Variants in PDP1 observed in about 807,000 individuals in gnomAD.
PDP1 encodes pyruvate dehyrogenase phosphatase catalytic subunit 1.
Under a neutral mutation model 37.1 loss-of-function variants are expected in PDP1, and 14 were observed. The ratio of observed to expected loss-of-function variants is 0.38; its 90% CI spans 0.25 to 0.59. PDP1 has a LOEUF of 0.59. PDP1 is among the 20% of genes least tolerant of loss of function. PDP1 has a pLI of 0.67. For missense variants in PDP1, 544 were observed against 655.3 expected (o/e 0.83, Z 1.85); for synonymous variants, 251 against 243.3 (o/e 1.03, Z -0.29).
chr8:93,923,559 C>T lies in PDP1; in HGVS notation c.1500C>T (p.Leu500=), dbSNP rs1810353550. 1 of 1,612,984 alleles carries T rather than the reference C, an allele frequency of 6.2e-7. No homozygotes were observed. The highest frequency in any genetic ancestry group is 1.1e-5 in the South Asian group (1 of 91,082). ...NEFGTVDHER[L]SKMLSLPEEL... is the part of the protein sequence containing the mutation. ...TTGGGACTGTTGATCATGAGCGCCTCTCTAAAATGCTTAGTCTTCCTGAAG... is the reference window on the plus strand; with the variant it reads ...TTGGGACTGTTGATCATGAGCGCCTTTCTAAAATGCTTAGTCTTCCTGAAG... Residue 500 remains leucine, a synonymous_variant, in exon 2 of 2, where the codon CTC becomes CTT. Transcript: ENST00000297598. The surrounding 1 kb of genome is among the most constrained non-coding windows in gnomAD (Gnocchi z 4.3).
At chr8:93,920,867 A>G in intron 1 of PDP1, 11 of 807,650 alleles carry the variant, frequency 1.4e-5, no homozygotes, top group Non-Finnish European at 1.6e-5. Flanking sequence ...ACATTGTGTA[A>G]TGATCAAATC....
chr8:93,924,367 T>TA lies in PDP1; in HGVS notation c.*694_*695insA, dbSNP rs1810377462. ...TTTTTAGTTTTATCTACTCTTCTAT[T>TA]GAAGTTAAAGAAAGAAAAAAAGATT... On this transcript the variant is annotated 3_prime_UTR_variant, in exon 2 of 2. Coordinates refer to ENST00000297598, the MANE Select transcript of PDP1 (RefSeq NM_018444.4). 6.0e-6 allele frequency: 1 copy of TA among 167,012 alleles called. No homozygotes were observed. The highest frequency in any genetic ancestry group is 2.4e-5 in the African/African-American group (1 of 41,466). The allele number at this position is 167,012 out of a possible 1,614,324, so 10.3% of individuals were successfully genotyped here. A position where few individuals can be genotyped will look rare whatever the true frequency, so the allele number is the denominator to read the frequency against.
At position 93,924,041 on chromosome 8, in the gene PDP1, C is replaced by G. The variant is rs551728387; in HGVS notation, c.*368C>G. The G allele has an allele frequency of 1.6e-4, 49 of 301,560 alleles. No homozygotes were observed. The South Asian group carries it at 1.7e-3, about 11-fold the overall frequency. 18.7% of individuals were successfully genotyped at this position (301,560 alleles called of 1,614,324 possible). On this transcript the variant is annotated 3_prime_UTR_variant, in exon 2 of 2. Coordinates refer to ENST00000297598, the MANE Select transcript of PDP1 (RefSeq NM_018444.4). ...TAGTCTCTTGGTTAAAGTGAAGAAA[C>G]AGTACTGTTCACACCTTTCTTCACT...
rs1250372108 is a variant in PDP1, at chr8:93,922,239, G to A, written c.180G>A (p.Glu60=). The A allele has an allele frequency of 6.2e-7, 1 of 1,614,160 alleles. No homozygotes were observed. Among genetic ancestry groups the A allele is most frequent in the Non-Finnish European group, 8.5e-7 (1 of 1,180,004 alleles). ...PAYATFCRPK[E]NWWQYTQGRR... is the part of the protein sequence containing the mutation. ...ATGCTACCTTTTGCAGGCCAAAGGA[G>A]AACTGGTGGCAGTACACCCAAGGAA... The change falls in exon 2 of 2, where the codon GAG becomes GAA. Residue 60 remains glutamate, a synonymous_variant. Transcript: ENST00000297598. This position sits in a 1 kb window ranked among gnomAD's most constrained non-coding sequence, Gnocchi z 4.0.
chr8:93,921,631 T>C (rs1810273563), intron 1 of PDP1: 1 of 161,314 alleles, frequency 6.2e-6, no homozygotes, highest in South Asian at 2.0e-4. Flanking sequence ...TTTTTAAGAA[T>C]AGGGAGGGAG....
intron 1 of PDP1, chr8:93,919,181 G>A: frequency 1.1e-6 from 1 of 910,928 alleles, no homozygotes; most frequent in Non-Finnish European, 1.3e-6. Flanking sequence ...GTCAATCATT[G>A]CTTTTTGTCA....
chr8:93,919,244 C>A, intron 1 of PDP1: 2 of 480,138 alleles, frequency 4.2e-6, no homozygotes, highest in Non-Finnish European at 5.4e-6. Flanking sequence ...GATGTCATAC[C>A]AAGCCGGGTG....
rs1264257944 is a variant in PDP1, at chr8:93,924,365, A to G, written c.*692A>G. Reference sequence around the variant, plus strand: ...GGTTTTTAGTTTTATCTACTCTTCTATTGAAGTTAAAGAAAGAAAAAAAGA... The same window carrying G: ...GGTTTTTAGTTTTATCTACTCTTCTGTTGAAGTTAAAGAAAGAAAAAAAGA... On this transcript the variant is annotated 3_prime_UTR_variant, in exon 2 of 2. Coordinates refer to ENST00000297598, the MANE Select transcript of PDP1 (RefSeq NM_018444.4). 2 of 167,002 alleles carry G rather than the reference A, an allele frequency of 1.2e-5. No individual in the cohort carries two copies. Among genetic ancestry groups the G allele is most frequent in the East Asian group, 1.9e-4 (1 of 5,204 alleles). The allele number at this position is 167,002 out of a possible 1,614,324, so 10.3% of individuals were successfully genotyped here. A position where few individuals can be genotyped will look rare whatever the true frequency, so the allele number is the denominator to read the frequency against.
chr8:93,917,882 A>T, intron 1 of PDP1: 3 of 1,613,558 alleles, frequency 1.9e-6, no homozygotes, highest in Non-Finnish European at 2.5e-6. Flanking sequence ...CGGGTTGTGG[A>T]TGTTGTCGGC....
intron 1 of PDP1, 146 bp from the exon 2 acceptor site, chr8:93,921,870 G>C: frequency 1.7e-6 from 1 of 603,326 alleles, no homozygotes; most frequent in Non-Finnish European, 2.9e-6. Flanking sequence ...AATAGTACAT[G>C]ATGTGTGTAT....
chr8:93,921,389 C>A, intron 1 of PDP1: 1 of 949,550 alleles, frequency 1.1e-6, no homozygotes, highest in Non-Finnish European at 1.3e-6. Flanking sequence ...ACTGGAATTT[C>A]TTTTTTTATT....
rs769050733 is a variant in PDP1 at position 93,923,127 on chromosome 8, A to G, written c.1068A>G (p.Val356=). 1 of 1,614,248 alleles carries G rather than the reference A, an allele frequency of 6.2e-7. No individual in the cohort carries two copies. The highest frequency in any genetic ancestry group is 8.5e-7 in the Non-Finnish European group (1 of 1,180,038). The change falls in exon 2 of 2, where the codon GTA becomes GTG. Residue 356 remains valine, a synonymous_variant. Coordinates refer to ENST00000297598, the MANE Select transcript of PDP1 (RefSeq NM_018444.4). The surrounding 1 kb of genome is among the most constrained non-coding windows in gnomAD (Gnocchi z 4.3). ...TGCCATTTAGGGCATTTGGAGATGT[A>G]AAGTTCAAATGGAGCATTGACCTTC... The part of the protein sequence containing the change: ...LLMPFRAFGD[V]KFKWSIDLQK...
Position 93,922,038 on chromosome 8 carries a change from C to A in PDP1, c.-22C>A. 1 of 1,596,210 alleles carries A rather than the reference C, an allele frequency of 6.3e-7. No individual in the cohort carries two copies. The highest frequency in any genetic ancestry group is 8.6e-7 in the Non-Finnish European group (1 of 1,167,928). On this transcript the variant is annotated 5_prime_UTR_variant, in exon 2 of 2. Transcript: ENST00000297598. The surrounding 1 kb of genome is among the most constrained non-coding windows in gnomAD (Gnocchi z 4.0). ...TAGGAATCCCAGTCAGAAGTTCCAG[C>A]CTGCCACTGTTCTCTGATGCCATGC...
In PDP1 at chr8:93,922,254, C is replaced by A; in HGVS notation, c.195C>A (p.Tyr65Ter). 6.2e-7 allele frequency: 1 copy of A among 1,614,196 alleles called. No homozygotes were observed. Among genetic ancestry groups the A allele is most frequent in the Non-Finnish European group, 8.5e-7 (1 of 1,180,000 alleles). ...GGCCAAAGGAGAACTGGTGGCAGTA[C>A]ACCCAAGGAAGGAGATATGCTTCCA... ...FCRPKENWWQYTQGRRYASTP... is the reference protein window; with the variant it reads ...FCRPKENWWQ Residue 65 changes from tyrosine to a stop codon, truncating the protein, a stop_gained, in exon 2 of 2, where the codon TAC becomes TAA. Coordinates refer to ENST00000297598, the MANE Select transcript of PDP1 (RefSeq NM_018444.4). LOFTEE classifies it high-confidence loss of function. The surrounding 1 kb of genome is among the most constrained non-coding windows in gnomAD (Gnocchi z 4.0).
intron 1 of PDP1, chr8:93,917,717 T>C: frequency 8.6e-7 from 1 of 1,165,836 alleles, no homozygotes; most frequent in Non-Finnish European, 1.2e-6. Flanking sequence ...TTATCCCTCC[T>C]CCATCCTCTT....
In PDP1 at chr8:93,923,133, C is replaced by G; in HGVS notation, c.1074C>G (p.Phe358Leu). ...MPFRAFGDVK[F>L]KWSIDLQKRV... ...TTAGGGCATTTGGAGATGTAAAGTT[C>G]AAATGGAGCATTGACCTTCAAAAGA... The change falls in exon 2 of 2, where the codon TTC becomes TTG. Residue 358 changes from phenylalanine (F) to leucine (L), a missense_variant. This residue lies in a region of PDP1 where 5 missense variants were observed against 22.4 expected (regional missense o/e 0.22). Coordinates refer to ENST00000297598, the MANE Select transcript of PDP1 (RefSeq NM_018444.4). This position sits in a 1 kb window ranked among gnomAD's most constrained non-coding sequence, Gnocchi z 4.3. The G allele has an allele frequency of 6.2e-7, 1 of 1,614,190 alleles. No homozygotes were observed. Among genetic ancestry groups the G allele is most frequent in the Non-Finnish European group, 8.5e-7 (1 of 1,180,032 alleles).
rs571183462 is a variant in PDP1, at chr8:93,917,105, G to T, written c.-45+26G>T. 358 of 461,668 alleles carry T rather than the reference G, an allele frequency of 7.8e-4. 7 individuals are homozygous for T. Among genetic ancestry groups the T allele is most frequent in the South Asian group, 4.5e-3 (287 of 64,352 alleles). The allele number at this position is 461,668 out of a possible 1,614,324, so 28.6% of individuals were successfully genotyped here. ...GTTCGTATTCCCTACTCCCTGCCAC[G>T]AGCCGCCCCGTCCGGGATCCTCCAC... is the stretch of plus-strand genomic sequence containing the variant. On this transcript the variant is annotated intron_variant, in intron 1 of 1. Transcript: ENST00000297598.
intron 1 of PDP1, chr8:93,919,132 T>C: frequency 1.0e-6 from 1 of 982,378 alleles, no homozygotes; most frequent in Middle Eastern, 5.2e-4. Context: ...GTGGAGAATT[T>C]GATGTTTGAA....
chr8:93,919,037 A>T (rs1294471944), intron 1 of PDP1: 1 of 356,840 alleles, frequency 2.8e-6, no homozygotes, highest in African/African-American at 2.2e-5. Flanking sequence ...AAGCCTCTGC[A>T]TAACTGAAAG....
Sources: gnomAD v4.1 joint callset for allele counts on GRCh38, gnomAD v4.1.1 for gene constraint, gnomAD v4.1.1 regional missense constraint, Gnocchi (gnomAD v3.1) non-coding constraint, MANE v1.5 for transcripts, NCBI Gene and HGNC (gene_info 2026-07-23, HGNC 2026-07-21) for gene names.